The following CACNA1I variants were observed in gnomAD, a reference collection of about 807,000 sequenced individuals.
CACNA1I encodes voltage-dependent T-type calcium channel subunit alpha-1I.
Under a neutral mutation model 201.6 loss-of-function variants are expected in CACNA1I, and 74 were observed. The observed-to-expected ratio is 0.37, with a 90% CI of 0.30 to 0.45. CACNA1I has a LOEUF of 0.45. Ranked by LOEUF, CACNA1I falls within the 20% of genes least tolerant of loss-of-function variation. The pLI is 1.00. For synonymous variants in CACNA1I, 1,431 were observed against 1,345.2 expected (o/e 1.06, Z -1.40); for missense variants, 2,346 against 3,138.1 (o/e 0.75, Z 6.03).
rs1935419134 is a variant in CACNA1I, at chr22:39,673,096, G to A, written c.4783+14G>A. The A allele has an allele frequency of 6.2e-7, 1 of 1,610,594 alleles. No homozygotes were observed. Among genetic ancestry groups the A allele is most frequent in the African/African-American group, 1.3e-5 (1 of 74,802 alleles). On this transcript the variant is annotated intron_variant, in intron 28 of 36. Transcript: ENST00000402142. ...GCATTGCCCGAGGTGAGGGGCAAGG[G>A]GTGGGACAGGGAACGGGGACAAGCA... is the stretch of plus-strand genomic sequence containing the variant.
intron 10 of CACNA1I, among the ~76,000 whole-genome samples, chr22:39,653,961 C>G (rs1332918643): frequency 6.6e-6 from 1 of 152,202 alleles, no homozygotes; most frequent in Non-Finnish European, 1.5e-5. Flanking sequence ...CTGGGTAGCC[C>G]AGGCTGTGTG....
chr22:39,656,314 C>T, intron 10 of CACNA1I: 3 of 481,706 alleles, frequency 6.2e-6, no homozygotes, highest in Middle Eastern at 3.4e-4. Flanking sequence ...CTCCTGCTCT[C>T]GGTCCTCTGC....
chr22:39,613,016 T>A (rs1393154738), intron 3 of CACNA1I, among the ~76,000 whole-genome samples: 1 of 152,202 alleles, frequency 6.6e-6, no homozygotes, highest in Non-Finnish European at 1.5e-5. Context: ...ATTAGCTACA[T>A]CTTAAATCAC....
chr22:39,592,850 T>C (rs929530033), intron 1 of CACNA1I, among the ~76,000 whole-genome samples: 4 of 152,216 alleles, frequency 2.6e-5, no homozygotes, highest in African/African-American at 9.6e-5. Context: ...GCCGGAGACC[T>C]TGACTCCCCC....
rs1466728812 is a variant in CACNA1I, at chr22:39,679,457, C to T, written c.5394+12C>T. 5.0e-6 allele frequency: 7 copies of T among 1,413,214 alleles called. No homozygotes were observed. Among genetic ancestry groups the T allele is most frequent in the African/African-American group, 1.5e-5 (1 of 66,776 alleles). The allele number at this position is 1,413,214 out of a possible 1,614,324, so 87.5% of individuals were successfully genotyped here. On this transcript the variant is annotated intron_variant, in intron 32 of 36. Coordinates refer to ENST00000402142, the MANE Select transcript of CACNA1I (RefSeq NM_021096.4). The stretch of plus-strand genomic sequence containing the variant: ...ACTCGCCTGCCCAGGTGGGCAGGGG[C>T]TGGAGAGGTGTGAGGGTCGCCAGAG...
chr22:39,605,712 T>C (rs756728105), intron 3 of CACNA1I, among the ~76,000 whole-genome samples: 46 of 152,030 alleles, frequency 3.0e-4, no homozygotes, highest in Non-Finnish European at 5.7e-4. Flanking sequence ...GGTCCTGCTT[T>C]TGATTGGGGG....
intron 35 of CACNA1I, among the ~76,000 whole-genome samples, chr22:39,683,033 G>T (rs1935750828): frequency 6.6e-6 from 1 of 152,172 alleles, no homozygotes; most frequent in Non-Finnish European, 1.5e-5. Context: ...AATTTGAGAG[G>T]TGTGTAGCCC....
chr22:39,587,705 G>A, intron 1 of CACNA1I: 1 of 450,464 alleles, frequency 2.2e-6, no homozygotes, highest in Non-Finnish European at 4.5e-6. Context: ...TGTTGTAAAG[G>A]TTCCTGTGGG....
chr22:39,587,054 G>C (rs1187315758), intron 1 of CACNA1I, among the ~76,000 whole-genome samples: 6 of 152,158 alleles, frequency 3.9e-5, no homozygotes, highest in Non-Finnish European at 8.8e-5. Context: ...AATCTCTTCG[G>C]CTGGAGCATC....
chr22:39,644,766 C>T (rs1297778431), intron 7 of CACNA1I, among the ~76,000 whole-genome samples: 1 of 152,054 alleles, frequency 6.6e-6, no homozygotes, highest in South Asian at 2.1e-4. Flanking sequence ...TAGCTCGCTG[C>T]AGCCTTGATC....
chr22:39,618,221 G>A (rs900450565), intron 3 of CACNA1I, among the ~76,000 whole-genome samples: 5 of 132,392 alleles, frequency 3.8e-5, no homozygotes, highest in Non-Finnish European at 9.1e-5. Context: ...GTGATGGTGT[G>A]TGACTGTGTG....
chr22:39,628,444 G>T (rs970727972), intron 4 of CACNA1I, among the ~76,000 whole-genome samples: 4 of 152,192 alleles, frequency 2.6e-5, no homozygotes, highest in East Asian at 1.9e-4. Flanking sequence ...CACAGCAGGT[G>T]GGGGGACCTT....
chr22:39,667,271 A>C (rs1935226320), intron 23 of CACNA1I, among the ~76,000 whole-genome samples: 1 of 152,054 alleles, frequency 6.6e-6, no homozygotes, highest in East Asian at 1.9e-4. Flanking sequence ...CTTTCTGGAT[A>C]CCTTTGGCAC....
intron 5 of CACNA1I, among the ~76,000 whole-genome samples, chr22:39,638,714 G>A (rs1262127695): frequency 6.6e-6 from 1 of 151,930 alleles, no homozygotes; most frequent in Non-Finnish European, 1.5e-5. Context: ...AGTTATGGGA[G>A]ATTTTCATAT....
chr22:39,624,038 G>A (rs990329158), intron 4 of CACNA1I, among the ~76,000 whole-genome samples: 4 of 149,934 alleles, frequency 2.7e-5, no homozygotes, highest in Admixed American at 2.7e-4. Flanking sequence ...GTGAGGGTAT[G>A]TGTGTGAAGT....
In CACNA1I at chr22:39,666,838, G is replaced by A. The variant is rs1935213422; in HGVS notation, c.4104+832G>A. ...GAGGGGTAGTGAGTGCCCAGGGAAA[G>A]GGTGTCAGGAACCAGGACAGTCACT... On this transcript the variant is annotated intron_variant, in intron 23 of 36. Coordinates refer to ENST00000402142, the MANE Select transcript of CACNA1I (RefSeq NM_021096.4). The surrounding 1 kb of genome is among the most constrained non-coding windows in gnomAD (Gnocchi z 4.1). 6.6e-6 allele frequency among the ~76,000 whole-genome samples: 1 copy of A among 152,320 alleles called. No individual in the cohort carries two copies. The highest frequency in any genetic ancestry group is 2.1e-4 in the South Asian group (1 of 4,828).
rs145501785 is a variant in CACNA1I at position 39,686,517 on chromosome 22, G to T, written c.*112G>T. ...CCACACCTGGGATCGCGCAGGGCCCGCAGGGCACAGGCGCCCGACAGCCGG... is the reference window on the plus strand; with the variant it reads ...CCACACCTGGGATCGCGCAGGGCCCTCAGGGCACAGGCGCCCGACAGCCGG... On this transcript the variant is annotated 3_prime_UTR_variant, in exon 37 of 37. Coordinates refer to ENST00000402142, the MANE Select transcript of CACNA1I (RefSeq NM_021096.4). 25,830 of 842,918 alleles carry T rather than the reference G, an allele frequency of 0.031. 511 individuals carry two copies. Among genetic ancestry groups the T allele is most frequent in the Admixed American group, 0.076 (1,640 of 21,522 alleles). 52.2% of individuals were successfully genotyped at this position (842,918 alleles called of 1,614,324 possible).
intron 3 of CACNA1I, among the ~76,000 whole-genome samples, chr22:39,602,456 CTGGTTTCCTG>C (rs561424363): frequency 5.6e-4 from 85 of 152,254 alleles, no homozygotes; most frequent in African/African-American, 1.9e-3. Flanking sequence ...GGAAGCTACT[CTGGTTTCCTG>C]TGGTTTCCTG....
At chr22:39,663,957 T>G in intron 19 of CACNA1I, 116 bp downstream of exon 19, 8 of 1,537,208 alleles carry the variant, frequency 5.2e-6, no homozygotes, top group Non-Finnish European at 7.1e-6. Flanking sequence ...AAGTTTGCCT[T>G]TGGGGCGGGG....
Sources: gnomAD v4.1 joint callset for allele counts (sites outside exome capture counted in the v4.1 genomes callset) on GRCh38, gnomAD v4.1.1 for gene constraint, Gnocchi (gnomAD v3.1) non-coding constraint, MANE v1.5 for transcripts, NCBI Gene and HGNC (gene_info 2026-07-23, HGNC 2026-07-21) for gene names.